PDE7B: variants seen among roughly 807,000 people sequenced by gnomAD.
PDE7B encodes phosphodiesterase 7B.
A neutral mutation model predicts 56.2 loss-of-function variants in PDE7B; 29 were observed. That is an observed-to-expected ratio of 0.52 (90% CI 0.38 to 0.70). The LOEUF is 0.70. Ranked by LOEUF, PDE7B falls within the 30% of genes least tolerant of loss-of-function variation. PDE7B has a pLI of 0.00. For missense variants in PDE7B, 490 were observed against 565.0 expected, an observed-to-expected ratio of 0.87 and a Z score of 1.35; for synonymous variants, 197 against 196.9, an observed-to-expected ratio of 1.00 and a Z score of 0.00.
intron 5 of PDE7B, 65 bp from the exon 6 acceptor site, chr6:136,151,095 A>G: frequency 1.2e-6 from 1 of 831,472 alleles, no homozygotes. Context: ...TTTAGGTCTT[A>G]TTGTCAATCT....
At chr6:135,978,075 A>T (rs774873114) in intron 2 of PDE7B, among the ~76,000 whole-genome samples, 7 of 152,134 alleles carry the variant, frequency 4.6e-5, no homozygotes, top group Admixed American at 2.6e-4. Context: ...ATGCATCACT[A>T]GCCTATTTCA....
chr6:135,851,794 A>C lies in PDE7B; in HGVS notation c.-205A>C. 1.8e-6 allele frequency: 1 copy of C among 543,402 alleles called. No individual in the cohort carries two copies. The allele number at this position is 543,402 out of a possible 1,614,324, so 33.7% of individuals were successfully genotyped here. A position where few individuals can be genotyped will look rare whatever the true frequency, so the allele number is the denominator to read the frequency against. On this transcript the variant is annotated 5_prime_UTR_variant, in exon 1 of 13. Coordinates refer to ENST00000308191, the MANE Select transcript of PDE7B (RefSeq NM_018945.4). ...TCACCCAGGGAGAGTCTCTCTTTCT[A>C]CCTTCCTTCTTTCTCGATCTCCTTG...
chr6:136,101,317 T>G (rs866022578), intron 2 of PDE7B, among the ~76,000 whole-genome samples: 2 of 152,212 alleles, frequency 1.3e-5, no homozygotes, highest in African/African-American at 4.8e-5. Context: ...TTCTATTGAT[T>G]GGAATAGTTT....
chr6:136,104,190 G>T (rs1015181788), intron 2 of PDE7B, among the ~76,000 whole-genome samples: 1 of 144,664 alleles, frequency 6.9e-6, no homozygotes, highest in African/African-American at 2.9e-5. Flanking sequence ...AAAAAAAGCA[G>T]CAGCCTTTCA....
intron 1 of PDE7B, among the ~76,000 whole-genome samples, chr6:135,886,182 C>T (rs962991052): frequency 2.0e-5 from 3 of 152,032 alleles, no homozygotes; most frequent in African/African-American, 4.8e-5. Context: ...CTTTTAAGGA[C>T]ACCATAAGGT....
intron 12 of PDE7B, among the ~76,000 whole-genome samples, chr6:136,191,074 G>T: frequency 7.5e-6 from 1 of 133,982 alleles, no homozygotes; most frequent in Admixed American, 8.2e-5. Context: ...GTAATAGCCA[G>T]TATTCACTGG....
At chr6:136,073,839 G>C (rs1777087691) in intron 2 of PDE7B, among the ~76,000 whole-genome samples, 1 of 152,178 alleles carries the variant, frequency 6.6e-6, no homozygotes, top group African/African-American at 2.4e-5. Flanking sequence ...TCTCTCAGTT[G>C]AGAATTTCAG....
At chr6:136,007,100 T>G (rs1343093796) in intron 2 of PDE7B, among the ~76,000 whole-genome samples, 3 of 152,216 alleles carry the variant, frequency 2.0e-5, no homozygotes, top group Admixed American at 6.6e-5. Context: ...CATAGTTTAT[T>G]GGGAGTTTTT....
chr6:135,880,136 C>T (rs975825362), intron 1 of PDE7B, among the ~76,000 whole-genome samples: 1 of 152,138 alleles, frequency 6.6e-6, no homozygotes, highest in African/African-American at 2.4e-5. Flanking sequence ...CCTGACATTG[C>T]TGACATTCAC....
intron 2 of PDE7B, chr6:136,037,390 A>G (rs1776341284): frequency 2.2e-5 from 22 of 982,614 alleles, no homozygotes; most frequent in Non-Finnish European, 2.7e-5. Context: ...TTATGAAGGG[A>G]TTTGACTAAT....
chr6:136,052,046 G>A (rs1315347202), intron 2 of PDE7B, among the ~76,000 whole-genome samples: 32 of 147,016 alleles, frequency 2.2e-4, no homozygotes, highest in African/African-American at 5.6e-4. Flanking sequence ...TACATTTAAA[G>A]TAAAAAAAAA....
At position 136,193,706 on chromosome 6, in the gene PDE7B, TTC is replaced by T. The variant is rs1282671176; in HGVS notation, c.*1867_*1868del. The T allele has an allele frequency of 6.6e-6, 1 of 152,222 alleles. No individual in the cohort carries two copies. Among genetic ancestry groups the T allele is most frequent in the Non-Finnish European group, 1.5e-5 (1 of 68,040 alleles). The allele number at this position is 152,222 out of a possible 1,614,324, so 9.4% of individuals were successfully genotyped here. A position where few individuals can be genotyped will look rare whatever the true frequency, so the allele number is the denominator to read the frequency against. On this transcript the variant is annotated 3_prime_UTR_variant, in exon 13 of 13. Coordinates refer to ENST00000308191, the MANE Select transcript of PDE7B (RefSeq NM_018945.4). ...TGATAGAATGACAGCTAGCACTTAT[TTC>T]CTAAGTGCAACTGTTTTAGAGATTT... is the stretch of plus-strand genomic sequence containing the variant.
At chr6:136,076,511 TAGAA>T (rs1777130778) in intron 2 of PDE7B, among the ~76,000 whole-genome samples, 2 of 151,934 alleles carry the variant, frequency 1.3e-5, no homozygotes, top group South Asian at 2.1e-4. Context: ...CCCCAAAACT[TAGAA>T]AGCCTCAGGA....
chr6:135,889,235 C>T (rs886711380), intron 1 of PDE7B, among the ~76,000 whole-genome samples: 9 of 152,054 alleles, frequency 5.9e-5, no homozygotes, highest in Non-Finnish European at 1.2e-4. Flanking sequence ...CTCAGGCTCT[C>T]ACTGAACCAC....
intron 1 of PDE7B, among the ~76,000 whole-genome samples, chr6:135,864,137 C>T (rs1775206156): frequency 1.3e-5 from 2 of 152,070 alleles, no homozygotes; most frequent in African/African-American, 2.4e-5. Flanking sequence ...ATTGCGGTTA[C>T]AGGATGCATC....
intron 2 of PDE7B, among the ~76,000 whole-genome samples, chr6:135,985,406 G>T (rs560719083): frequency 6.6e-6 from 1 of 152,304 alleles, no homozygotes; most frequent in African/African-American, 2.4e-5. Flanking sequence ...TTCTTTGGAG[G>T]TCCAAAGTTT....
intron 10 of PDE7B, 103 bp from the exon 11 acceptor site, chr6:136,181,124 A>G (rs1779056733): frequency 1.3e-6 from 1 of 777,834 alleles, no homozygotes; most frequent in Non-Finnish European, 2.3e-6. Flanking sequence ...TGGGCCTGGT[A>G]CTGTGAGCAG....
chr6:136,168,345 G>A (rs2128449442), intron 8 of PDE7B, among the ~76,000 whole-genome samples: 1 of 152,194 alleles, frequency 6.6e-6, no homozygotes, highest in East Asian at 1.9e-4. Context: ...GTCTTACAGG[G>A]ATCCGTTGTG....
intron 3 of PDE7B, among the ~76,000 whole-genome samples, chr6:136,117,656 C>T (rs1777862272): frequency 6.6e-6 from 1 of 152,180 alleles, no homozygotes; most frequent in Admixed American, 6.5e-5. Context: ...CTATATCTAA[C>T]AACAGCCACC....
Sources: gnomAD v4.1 joint callset for allele counts (sites outside exome capture counted in the v4.1 genomes callset) on GRCh38, gnomAD v4.1.1 for gene constraint, MANE v1.5 for transcripts, NCBI Gene and HGNC (gene_info 2026-07-23, HGNC 2026-07-21) for gene names.